The following ABCA9 variants were observed in gnomAD, a reference collection of about 807,000 sequenced individuals.
ABCA9 encodes the protein ATP-binding cassette sub-family A member 9.
A neutral mutation model predicts 205.3 loss-of-function variants in ABCA9; 183 were observed. The ratio of observed to expected loss-of-function variants is 0.89; its 90% CI spans 0.79 to 1.01. ABCA9 has a LOEUF of 1.01. ABCA9 is among the 50% of genes least tolerant of loss of function. The pLI is 0.00. For missense variants in ABCA9, 1,805 were observed against 1,912.4 expected (o/e 0.94, Z 1.05); for synonymous variants, 651 against 683.3 (o/e 0.95, Z 0.74).
intron 16 of ABCA9, 72 bp from the exon 17 acceptor site, chr17:69,024,425 A>T: frequency 7.3e-7 from 1 of 1,373,142 alleles, no homozygotes; most frequent in Non-Finnish European, 9.7e-7. Context: ...ATTATGTAGT[A>T]TGTGCTTGTC....
At chr17:69,015,148 C>A (rs2070539790) in intron 22 of ABCA9, among the ~76,000 whole-genome samples, 1 of 148,968 alleles carries the variant, frequency 6.7e-6, no homozygotes, top group African/African-American at 2.6e-5. Context: ...GACACCCTCC[C>A]TTTTCTATTC....
chr17:69,023,674 T>C lies in ABCA9; in HGVS notation c.2281+540A>G, dbSNP rs748634791. On this transcript the variant is annotated intron_variant, in intron 17 of 38. Transcript: ENST00000340001. This position sits in a 1 kb window ranked among gnomAD's most constrained non-coding sequence, Gnocchi z 4.2. ...TGAAACAGTGCATTGGGAGATACCA[T>C]AGAAAAGTAATAACACCAGTAGTTC... Among the ~76,000 whole-genome samples the C allele has an allele frequency of 7.2e-5, 11 of 152,192 alleles. No homozygotes were observed. Among genetic ancestry groups the C allele is most frequent in the South Asian group, 4.1e-4 (2 of 4,834 alleles).
chr17:69,055,586 G>A (rs565455347), intron 1 of ABCA9, among the ~76,000 whole-genome samples: 3 of 152,124 alleles, frequency 2.0e-5, no homozygotes, highest in Non-Finnish European at 2.9e-5. Context: ...CACCTCTCTT[G>A]GCAGAAATGG....
intron 10 of ABCA9, among the ~76,000 whole-genome samples, chr17:69,031,444 A>G (rs2071145204): frequency 6.6e-6 from 1 of 152,246 alleles, no homozygotes; most frequent in African/African-American, 2.4e-5. Context: ...TGAAAGAGAT[A>G]TATCAGAAAG....
At chr17:69,044,096 G>A (rs984881963) in intron 5 of ABCA9, among the ~76,000 whole-genome samples, 2 of 152,144 alleles carry the variant, frequency 1.3e-5, no homozygotes, top group Admixed American at 1.3e-4. Context: ...GGAGGCTGAG[G>A]TAGGAGGATC....
chr17:69,062,742 A>G (rs2072288685), upstream of ABCA9, among the ~76,000 whole-genome samples: 1 of 151,968 alleles, frequency 6.6e-6, no homozygotes, highest in Non-Finnish European at 1.5e-5. Context: ...GGAACTCCTG[A>G]CCTCAAATGA....
chr17:69,038,372 A>T (rs1210259751), intron 6 of ABCA9, among the ~76,000 whole-genome samples: 3 of 152,178 alleles, frequency 2.0e-5, no homozygotes, highest in Non-Finnish European at 4.4e-5. Flanking sequence ...ATCCACCATG[A>T]TCAACTTGGC....
At chr17:69,016,448 A>G in intron 21 of ABCA9, 58 bp from the exon 22 acceptor site, 1 of 1,455,524 alleles carries the variant, frequency 6.9e-7, no homozygotes, top group Non-Finnish European at 9.2e-7. Context: ...AAATTTAATG[A>G]GTGAACATGT....
chr17:69,019,387 C>T (rs72851733), intron 19 of ABCA9, among the ~76,000 whole-genome samples: 7,236 of 152,096 alleles, frequency 0.048, 400 homozygotes, highest in African/African-American at 0.13. Flanking sequence ...CTTTTTCATA[C>T]ACTTTATGTT....
intron 6 of ABCA9, among the ~76,000 whole-genome samples, chr17:69,041,635 G>C (rs4968830): frequency 0.072 from 11,010 of 151,872 alleles, 1,041 homozygotes; most frequent in African/African-American, 0.21. Context: ...ACCCGGGAGG[G>C]GGAGGTTGCA....
intron 26 of ABCA9, among the ~76,000 whole-genome samples, chr17:68,995,650 A>T (rs2069593347): frequency 6.6e-6 from 1 of 151,908 alleles, no homozygotes; most frequent in Non-Finnish European, 1.5e-5. Flanking sequence ...CAGCAGTGAG[A>T]GTTATCATGA....
rs1481258513 is a variant in ABCA9 at position 68,975,386 on chromosome 17, T to C, written c.*529A>G. On this transcript the variant is annotated 3_prime_UTR_variant, in exon 39 of 39. Transcript: ENST00000340001. ...CTTTATAGGCACAACAGACAAAACA[T>C]GGACTCACAATCTAAACTCTGAAAA... The C allele has an allele frequency of 1.3e-5, 2 of 152,952 alleles. No homozygotes were observed. Among genetic ancestry groups the C allele is most frequent in the Non-Finnish European group, 2.9e-5 (2 of 68,578 alleles). 9.5% of individuals were successfully genotyped at this position (152,952 alleles called of 1,614,324 possible). A position where few individuals can be genotyped will look rare whatever the true frequency, so the allele number is the denominator to read the frequency against.
chr17:68,992,962 A>G (rs1270843409), intron 27 of ABCA9, 54 bp downstream of exon 27: 3 of 1,428,424 alleles, frequency 2.1e-6, no homozygotes, highest in African/African-American at 2.9e-5. Flanking sequence ...AACTCAAAAC[A>G]TACAAAAGTT....
chr17:69,031,122 C>T (rs896891185), intron 10 of ABCA9, among the ~76,000 whole-genome samples: 1 of 152,178 alleles, frequency 6.6e-6, no homozygotes, highest in Non-Finnish European at 1.5e-5. Context: ...TTTTTCTAGA[C>T]CATAAGACTA....
In ABCA9 at chr17:68,992,863, GTGTGTGCACGCATGCATGCATGTGCA is replaced by G. The variant is rs560965948; in HGVS notation, c.3624+127_3624+152del. Among the ~76,000 whole-genome samples, 336 of 151,606 alleles carry G rather than the reference GTGTGTGCACGCATGCATGCATGTGCA, an allele frequency of 2.2e-3. 3 individuals are homozygous for G. The highest frequency in any genetic ancestry group is 7.7e-3 in the African/African-American group (319 of 41,278). ...AGGTTAAAAGCCATCGTGTGTGTGT[GTGTGTGCACGCATGCATGCATGTGCA>G]TGTGTGTGTTGCTTCAAATGCCTAA... is the stretch of plus-strand genomic sequence containing the variant. On this transcript the variant is annotated intron_variant, in intron 27 of 38. Coordinates refer to ENST00000340001, the MANE Select transcript of ABCA9 (RefSeq NM_080283.4).
At chr17:69,062,088 AG>A (rs1389422462), upstream of ABCA9, among the ~76,000 whole-genome samples, 3 of 152,048 alleles carry the variant, frequency 2.0e-5, no homozygotes, top group African/African-American at 7.2e-5. Context: ...TTGCTCAGCA[AG>A]CAGTCTGTGG....
rs763709374 is a variant in ABCA9 at position 69,008,190 on chromosome 17, C to T, written c.3193G>A (p.Ala1065Thr). Residue 1065 changes from alanine to threonine, a missense_variant, in exon 24 of 39, where the codon GCA becomes ACA. Coordinates refer to ENST00000340001, the MANE Select transcript of ABCA9 (RefSeq NM_080283.4). Reference protein sequence around the residue: ...QLRISGLYPSAYWFGQALVDV... With the variant: ...QLRISGLYPSTYWFGQALVDV... ...ACCAGTGCTTGGCCAAACCAGTATG[C>T]AGAAGGGTAGAGGCCTGAAATCCGT... 7 of 1,613,998 alleles carry T rather than the reference C, an allele frequency of 4.3e-6. No individual in the cohort carries two copies. The South Asian group carries it at 7.7e-5, about 18-fold the overall frequency.
At chr17:69,025,291 AC>A (rs777231212) in intron 16 of ABCA9, among the ~76,000 whole-genome samples, 5 of 152,204 alleles carry the variant, frequency 3.3e-5, no homozygotes, top group Non-Finnish European at 7.4e-5. Flanking sequence ...AAATGAAGTT[AC>A]TGAGGATCAA....
intron 19 of ABCA9, among the ~76,000 whole-genome samples, chr17:69,018,794 A>C (rs1359736119): frequency 2.0e-5 from 3 of 152,074 alleles, no homozygotes; most frequent in Non-Finnish European, 4.4e-5. Context: ...CAAGCAGGAC[A>C]CCTTGGCTTC....
Sources: gnomAD v4.1 joint callset for allele counts (sites outside exome capture counted in the v4.1 genomes callset) on GRCh38, gnomAD v4.1.1 for gene constraint, Gnocchi (gnomAD v3.1) non-coding constraint, MANE v1.5 for transcripts, NCBI Gene and HGNC (gene_info 2026-07-23, HGNC 2026-07-21) for gene names.